KCNMA1: variants seen among roughly 807,000 people sequenced by gnomAD.
KCNMA1 encodes the protein potassium calcium-activated channel subfamily M alpha 1.
In KCNMA1, 29 loss-of-function variants were observed where a neutral mutation model predicts 140.0. The ratio of observed to expected loss-of-function variants is 0.21; its 90% CI spans 0.15 to 0.28. KCNMA1 has a LOEUF of 0.28. Among genes scored for constraint, KCNMA1 ranks in the 10% least tolerant of loss-of-function variants. KCNMA1 has a pLI of 1.00. For missense variants in KCNMA1, 880 were observed against 1,602.2 expected, an observed-to-expected ratio of 0.55 and a Z score of 7.70; for synonymous variants, 612 against 611.9, an observed-to-expected ratio of 1.00 and a Z score of 0.00.
chr10:77,059,179 T>C (rs1192562170), intron 14 of KCNMA1, among the ~76,000 whole-genome samples: 1 of 151,914 alleles, frequency 6.6e-6, no homozygotes, highest in Non-Finnish European at 1.5e-5. Flanking sequence ...AATAGTCCTA[T>C]AACCATTGAA....
intron 2 of KCNMA1, among the ~76,000 whole-genome samples, chr10:77,330,314 C>G (rs1163534873): frequency 6.6e-6 from 1 of 152,202 alleles, no homozygotes; most frequent in African/African-American, 2.4e-5. Context: ...ACTCCCTTAC[C>G]CAGCCATGCT....
intron 2 of KCNMA1, among the ~76,000 whole-genome samples, chr10:77,313,402 T>C (rs1285169344): frequency 1.3e-5 from 2 of 152,184 alleles, no homozygotes; most frequent in African/African-American, 4.8e-5. Context: ...ACAGAGTCCA[T>C]GAGGGGACAG....
chr10:77,497,755 T>C (rs1456077638), intron 1 of KCNMA1, among the ~76,000 whole-genome samples: 2 of 152,222 alleles, frequency 1.3e-5, no homozygotes, highest in African/African-American at 4.8e-5. Flanking sequence ...CCTCTTCTCC[T>C]AGGACTTTGT....
intron 2 of KCNMA1, among the ~76,000 whole-genome samples, chr10:77,280,083 C>T (rs1283519934): frequency 6.6e-6 from 1 of 152,160 alleles, no homozygotes; most frequent in Admixed American, 6.6e-5. Context: ...ATCCTTCCTC[C>T]TCTAATAGAG....
chr10:77,327,038 C>T (rs635591), intron 2 of KCNMA1, among the ~76,000 whole-genome samples: 6 of 152,154 alleles, frequency 3.9e-5, no homozygotes, highest in East Asian at 3.9e-4. Context: ...ACCAACAGAA[C>T]GCCAGTCCTC....
intron 3 of KCNMA1, among the ~76,000 whole-genome samples, chr10:77,226,408 C>T (rs765085451): frequency 4.6e-5 from 7 of 151,886 alleles, no homozygotes; most frequent in East Asian, 2.0e-4. Context: ...TGCACATTAA[C>T]GAGACGACAT....
intron 17 of KCNMA1, chr10:77,012,605 C>T: frequency 7.0e-7 from 1 of 1,434,236 alleles, no homozygotes; most frequent in Non-Finnish European, 9.6e-7. Context: ...GTTCCTCTGT[C>T]AAACCCCCTC....
intron 5 of KCNMA1, among the ~76,000 whole-genome samples, chr10:77,182,961 C>T (rs117047819): frequency 2.9e-3 from 435 of 152,272 alleles, no homozygotes; most frequent in Non-Finnish European, 4.2e-3. Flanking sequence ...TCTCTCCCTG[C>T]CCTACAAAGA....
intron 15 of KCNMA1, among the ~76,000 whole-genome samples, chr10:77,031,272 G>A (rs1594224454): frequency 6.6e-6 from 1 of 152,282 alleles, no homozygotes; most frequent in Non-Finnish European, 1.5e-5. Flanking sequence ...CATAGAAACT[G>A]GCTTTTCAGC....
chr10:77,398,314 C>T (rs1383237823), intron 2 of KCNMA1, among the ~76,000 whole-genome samples: 1 of 152,150 alleles, frequency 6.6e-6, no homozygotes, highest in African/African-American at 2.4e-5. Flanking sequence ...TACTAATTTA[C>T]ATCTCCATAT....
At chr10:77,496,448 T>A (rs1408448385) in intron 1 of KCNMA1, among the ~76,000 whole-genome samples, 1 of 151,738 alleles carries the variant, frequency 6.6e-6, no homozygotes, top group Non-Finnish European at 1.5e-5. Flanking sequence ...TACAAAAAAA[T>A]TAGCCAGGTG....
At chr10:77,167,205 A>G (rs1359201891) in intron 5 of KCNMA1, among the ~76,000 whole-genome samples, 1 of 151,962 alleles carries the variant, frequency 6.6e-6, no homozygotes, top group Non-Finnish European at 1.5e-5. Flanking sequence ...TAGCTCCCAC[A>G]TGTGAATGAG....
chr10:77,402,657 A>C (rs932873844), intron 2 of KCNMA1, among the ~76,000 whole-genome samples: 1 of 152,162 alleles, frequency 6.6e-6, no homozygotes, highest in African/African-American at 2.4e-5. Flanking sequence ...AGTTCTCCCC[A>C]AGAAGGATTC....
In KCNMA1 at chr10:76,953,938, G is replaced by C; in HGVS notation, c.2361-14C>G. Reference sequence around the variant, plus strand: ...AAGGGGTCATGCCTGGGAAGAAAAGGACAGGAAAACCTAAGTGGAAAATGT... The same window carrying C: ...AAGGGGTCATGCCTGGGAAGAAAAGCACAGGAAAACCTAAGTGGAAAATGT... On this transcript the variant is annotated splice_polypyrimidine_tract_variant and intron_variant, in intron 20 of 27. Coordinates refer to ENST00000286628, the MANE Select transcript of KCNMA1 (RefSeq NM_001161352.2). The C allele has an allele frequency of 6.2e-7, 1 of 1,613,892 alleles. No homozygotes were observed. Among genetic ancestry groups the C allele is most frequent in the Non-Finnish European group, 8.5e-7 (1 of 1,179,856 alleles).
intron 1 of KCNMA1, among the ~76,000 whole-genome samples, chr10:77,584,511 C>T (rs565087401): frequency 3.9e-5 from 6 of 152,096 alleles, no homozygotes; most frequent in Admixed American, 1.3e-4. Flanking sequence ...CATGCCACCA[C>T]GCCCAGCTAA....
chr10:77,605,287 A>T (rs1042581372), intron 1 of KCNMA1, among the ~76,000 whole-genome samples: 5 of 152,240 alleles, frequency 3.3e-5, no homozygotes, highest in Admixed American at 1.3e-4. Context: ...AACACAGGAA[A>T]GAGCTGGCAT....
At chr10:77,112,974 G>C (rs903322145) in intron 6 of KCNMA1, among the ~76,000 whole-genome samples, 3 of 152,160 alleles carry the variant, frequency 2.0e-5, no homozygotes, top group African/African-American at 7.2e-5. Flanking sequence ...ACCATTGCAC[G>C]CCTCAGAAAA....
At chr10:77,312,109 C>T (rs1263426060) in intron 2 of KCNMA1, among the ~76,000 whole-genome samples, 4 of 152,202 alleles carry the variant, frequency 2.6e-5, no homozygotes, top group Non-Finnish European at 5.9e-5. Context: ...CCAGAAAGGT[C>T]ATTTTGTTTG....
At chr10:77,629,192 G>A (rs1156541068) in intron 1 of KCNMA1, among the ~76,000 whole-genome samples, 1 of 152,148 alleles carries the variant, frequency 6.6e-6, no homozygotes, top group Non-Finnish European at 1.5e-5. Context: ...TTGGCAATTA[G>A]ACACAATGTC....
Sources: gnomAD v4.1 joint callset for allele counts (sites outside exome capture counted in the v4.1 genomes callset) on GRCh38, gnomAD v4.1.1 for gene constraint, MANE v1.5 for transcripts, NCBI Gene and HGNC (gene_info 2026-07-23, HGNC 2026-07-21) for gene names.